Variants in EML6 observed in about 807,000 individuals in gnomAD.
The protein encoded by EML6 is EMAP like 6.
In EML6, 154 loss-of-function variants were observed where a neutral mutation model predicts 240.1. The ratio of observed to expected loss-of-function variants is 0.64; its 90% CI spans 0.56 to 0.73. The LOEUF (loss-of-function observed/expected upper bound fraction) is 0.73, where lower values mean the gene tolerates loss of function less well. Ranked by LOEUF, EML6 falls within the 30% of genes least tolerant of loss-of-function variation. The pLI, the probability that EML6 is intolerant of heterozygous loss-of-function variation, is 0.00. For synonymous variants in EML6, 1,148 were observed against 899.0 expected (o/e 1.28, Z -4.95); for missense variants, 2,964 against 2,474.6 (o/e 1.20, Z -4.20).
Position 54,916,420 on chromosome 2 carries a change from C to T in EML6, c.3499-339C>T, listed in dbSNP as rs570493342. Among the ~76,000 whole-genome samples the T allele has an allele frequency of 3.3e-5, 5 of 152,322 alleles. No homozygotes were observed. In the South Asian group the frequency reaches 1.0e-3, roughly 32 times the overall value. ...CAAAGAATTTTCCAGCCTAAGACAT[C>T]AGTGCTGGCGTTGGGGAATCTGGAT... On this transcript the variant is annotated intron_variant, in intron 25 of 41. Coordinates refer to ENST00000356458, the MANE Select transcript of EML6 (RefSeq NM_001039753.4).
chr2:54,858,413 T>G (rs1222004542), intron 11 of EML6, among the ~76,000 whole-genome samples: 1 of 152,168 alleles, frequency 6.6e-6, no homozygotes, highest in Non-Finnish European at 1.5e-5. Flanking sequence ...GGTATAAAGG[T>G]CAAGGAAGCA....
In EML6 at chr2:54,778,963, T is replaced by G. The variant is rs538910362; in HGVS notation, c.198-34269T>G. On this transcript the variant is annotated intron_variant, in intron 2 of 41. Coordinates refer to ENST00000356458, the MANE Select transcript of EML6 (RefSeq NM_001039753.4). ...AAATATATCAAATATATAAAATAAC[T>G]TTCCTTACACTCTTTACAATTATGA... 2.0e-5 allele frequency among the ~76,000 whole-genome samples: 3 copies of G among 151,962 alleles called. No individual in the cohort carries two copies. In the East Asian group the frequency reaches 5.8e-4, roughly 29 times the overall value.
At chr2:54,797,832 T>C (rs2103951724) in intron 2 of EML6, among the ~76,000 whole-genome samples, 1 of 152,330 alleles carries the variant, frequency 6.6e-6, no homozygotes, top group East Asian at 1.9e-4. Context: ...TCTCTGGGCT[T>C]CAGTGTCATT....
At chr2:54,810,799 G>A (rs1572935464) in intron 2 of EML6, among the ~76,000 whole-genome samples, 2 of 152,198 alleles carry the variant, frequency 1.3e-5, no homozygotes, top group Admixed American at 6.5e-5. Context: ...CTGCCCTCAC[G>A]GAGCATACAA....
At chr2:54,759,437 C>T (rs1224522976) in intron 2 of EML6, among the ~76,000 whole-genome samples, 1 of 151,700 alleles carries the variant, frequency 6.6e-6, no homozygotes, top group Non-Finnish European at 1.5e-5. Flanking sequence ...GGGGGAAGTG[C>T]TAAAATGAGT....
intron 28 of EML6, among the ~76,000 whole-genome samples, chr2:54,932,098 C>T (rs150197191): frequency 6.6e-6 from 1 of 152,318 alleles, no homozygotes; most frequent in African/African-American, 2.4e-5. Context: ...GCCATATGAT[C>T]TTCAGTTCTA....
At chr2:54,917,078 G>C in intron 26 of EML6, 143 bp downstream of exon 26, 3 of 621,222 alleles carry the variant, frequency 4.8e-6, no homozygotes, top group Non-Finnish European at 8.0e-6. Flanking sequence ...AAACCTCCCT[G>C]ACATTGTGTT....
In EML6 at chr2:54,971,880, AT is replaced by A; in HGVS notation, c.*1786del. ...ACTTATTTGTAAACGTTTATATGGT[AT>A]GATTTTGATTTTATGTATGTTCATA... On this transcript the variant is annotated 3_prime_UTR_variant, in exon 42 of 42. Coordinates refer to ENST00000356458, the MANE Select transcript of EML6 (RefSeq NM_001039753.4). 6.6e-6 allele frequency: 1 copy of A among 152,232 alleles called. No homozygotes were observed. Among genetic ancestry groups the A allele is most frequent in the East Asian group, 1.9e-4 (1 of 5,202 alleles). 9.4% of individuals were successfully genotyped at this position (152,232 alleles called of 1,614,324 possible).
chr2:54,894,872 C>A, intron 19 of EML6, 43 bp from the exon 20 acceptor site: 3 of 1,388,528 alleles, frequency 2.2e-6, no homozygotes, highest in South Asian at 2.5e-5. Context: ...GGTAATTGGT[C>A]ATTTTGATGT....
intron 11 of EML6, among the ~76,000 whole-genome samples, chr2:54,855,024 C>T (rs919683136): frequency 1.4e-4 from 21 of 152,324 alleles, no homozygotes; most frequent in Middle Eastern, 3.4e-3. Context: ...AATTGATATC[C>T]TATACATCCC....
At chr2:54,964,265 T>C in intron 37 of EML6, 107 bp downstream of exon 37, 1 of 1,168,032 alleles carries the variant, frequency 8.6e-7, no homozygotes, top group African/African-American at 1.5e-5. Flanking sequence ...TGTGAGAGGG[T>C]CACTTTCAAC....
At chr2:54,966,179 A>G (rs796423965) in intron 38 of EML6, among the ~76,000 whole-genome samples, 8 of 152,360 alleles carry the variant, frequency 5.3e-5, no homozygotes, top group African/African-American at 1.9e-4. Flanking sequence ...TTATGTGCCA[A>G]GAAGGAAAAG....
At chr2:54,819,562 G>C (rs1195133446) in intron 4 of EML6, among the ~76,000 whole-genome samples, 1 of 152,092 alleles carries the variant, frequency 6.6e-6, no homozygotes, top group Non-Finnish European at 1.5e-5. Context: ...TGGATCACGA[G>C]GTCACAAGAT....
chr2:54,958,108 C>G (rs1206526204), intron 33 of EML6, 110 bp downstream of exon 33: 6 of 900,846 alleles, frequency 6.7e-6, no homozygotes, highest in Non-Finnish European at 1.0e-5. Context: ...GCAGGAAAGC[C>G]ATTTCCACAT....
At chr2:54,870,212 C>T (rs920457373) in intron 15 of EML6, among the ~76,000 whole-genome samples, 44 of 152,132 alleles carry the variant, frequency 2.9e-4, no homozygotes, top group African/African-American at 1.1e-3. Flanking sequence ...AGCCTTTGGA[C>T]AGAGTTCATA....
chr2:54,777,909 A>T (rs1396561102), intron 2 of EML6, among the ~76,000 whole-genome samples: 2 of 152,224 alleles, frequency 1.3e-5, no homozygotes, highest in East Asian at 3.8e-4. Flanking sequence ...ATTTAATAAA[A>T]TTTTTGGGGA....
intron 23 of EML6, 52 bp downstream of exon 23, chr2:54,903,248 A>G (rs896356731): frequency 3.9e-6 from 6 of 1,529,076 alleles, no homozygotes; most frequent in African/African-American, 1.4e-5. Context: ...GGGACAAAAA[A>G]TTACAAGAAT....
chr2:54,950,831 C>T, intron 30 of EML6, 52 bp downstream of exon 30: 5 of 1,520,458 alleles, frequency 3.3e-6, no homozygotes, highest in East Asian at 2.5e-5. Context: ...TTTTTACATG[C>T]TTTCCCCACT....
chr2:54,936,750 C>T (rs763654740), intron 28 of EML6, among the ~76,000 whole-genome samples: 59 of 152,210 alleles, frequency 3.9e-4, no homozygotes, highest in Admixed American at 1.9e-3. Context: ...CCTGTTTCTA[C>T]ATTATTTTTA....
Sources: gnomAD v4.1 joint callset for allele counts (sites outside exome capture counted in the v4.1 genomes callset) on GRCh38, gnomAD v4.1.1 for gene constraint, MANE v1.5 for transcripts, NCBI Gene and HGNC (gene_info 2026-07-23, HGNC 2026-07-21) for gene names.